The following ALOX5AP variants were observed in gnomAD, a reference collection of about 807,000 sequenced individuals.
ALOX5AP encodes arachidonate 5-lipoxygenase activating protein, also known as arachidonate 5-lipoxygenase-activating protein.
ALOX5AP carries 9 observed loss-of-function variants against 18.5 expected under a neutral mutation model. The ratio of observed to expected loss-of-function variants is 0.49; its 90% CI spans 0.29 to 0.85. The LOEUF (loss-of-function observed/expected upper bound fraction) is 0.85, where lower values mean the gene tolerates loss of function less well. Ranked by LOEUF, ALOX5AP falls within the 40% of genes least tolerant of loss-of-function variation. The pLI, the probability that ALOX5AP is intolerant of heterozygous loss-of-function variation, is 0.08. For synonymous variants in ALOX5AP, 81 were observed against 78.6 expected (o/e 1.03, Z -0.16); for missense variants, 172 against 202.5 (o/e 0.85, Z 0.91).
upstream of ALOX5AP, among the ~76,000 whole-genome samples, chr13:30,733,115 C>T (rs191331355): frequency 5.4e-3 from 795 of 147,362 alleles, 7 homozygotes; most frequent in African/African-American, 0.018. Context: ...GCTGAGATCG[C>T]GCCACTGCAC....
upstream of ALOX5AP, chr13:30,735,533 C>T (rs1951713473): frequency 6.3e-7 from 1 of 1,592,930 alleles, no homozygotes; most frequent in Admixed American, 1.7e-5. Flanking sequence ...CAAGCTCTCA[C>T]TTCCCCTTCC....
chr13:30,719,643 A>G (rs9315038), intron 1 of ALOX5AP, among the ~76,000 whole-genome samples: 5 of 151,974 alleles, frequency 3.3e-5, no homozygotes, highest in Non-Finnish European at 5.9e-5. Context: ...TGTTTAATCT[A>G]TTTTGATTGT....
chr13:30,713,609 C>A, exon 1 of ALOX5AP: 1 of 733,480 alleles, frequency 1.4e-6, no homozygotes, highest in Non-Finnish European at 2.3e-6. Context: ...CCCCTCACAC[C>A]TCCTCTCATC....
intron 1 of ALOX5AP, among the ~76,000 whole-genome samples, chr13:30,742,099 C>T (rs551008635): frequency 9.9e-5 from 15 of 152,060 alleles, no homozygotes; most frequent in Admixed American, 2.6e-4. Flanking sequence ...AGGTGGATCA[C>T]GAGGTCAGGA....
At chr13:30,721,968 A>T (rs138659630) in intron 1 of ALOX5AP, among the ~76,000 whole-genome samples, 1 of 152,376 alleles carries the variant, frequency 6.6e-6, no homozygotes, top group East Asian at 1.9e-4. Flanking sequence ...CTATAAAAAA[A>T]GATTGAGATA....
intron 1 of ALOX5AP, among the ~76,000 whole-genome samples, chr13:30,724,525 A>C (rs1951622135): frequency 6.6e-6 from 1 of 152,210 alleles, no homozygotes; most frequent in Non-Finnish European, 1.5e-5. Context: ...ATGGTGCTTA[A>C]AGTGGCTGTG....
chr13:30,736,195 A>C (rs1023202840), intron 1 of ALOX5AP, among the ~76,000 whole-genome samples: 1 of 151,192 alleles, frequency 6.6e-6, no homozygotes, highest in African/African-American at 2.5e-5. Context: ...TTTTCTCCTG[A>C]AGAAACTTTT....
intron 1 of ALOX5AP, among the ~76,000 whole-genome samples, chr13:30,736,163 C>T (rs1951719458): frequency 6.6e-6 from 1 of 152,040 alleles, no homozygotes; most frequent in Admixed American, 6.5e-5. Context: ...TATTATTTTT[C>T]CTCTATATTA....
At chr13:30,748,129 G>C (rs1240585063) in intron 2 of ALOX5AP, among the ~76,000 whole-genome samples, 1 of 152,004 alleles carries the variant, frequency 6.6e-6, no homozygotes, top group Non-Finnish European at 1.5e-5. Flanking sequence ...ATGCTGGCCA[G>C]CCTGGTCTCA....
chr13:30,750,622 G>T (rs149428939), intron 2 of ALOX5AP, among the ~76,000 whole-genome samples: 1 of 152,272 alleles, frequency 6.6e-6, no homozygotes, highest in East Asian at 1.9e-4. Context: ...GGAAACATGA[G>T]AGCAATTGTG....
chr13:30,735,001 C>T (rs41361750), upstream of ALOX5AP, among the ~76,000 whole-genome samples: 945 of 152,052 alleles, frequency 6.2e-3, 6 homozygotes, highest in Non-Finnish European at 9.9e-3. Context: ...TTTCATTTTA[C>T]ATTTGTGTGT....
intron 4 of ALOX5AP, 91 bp downstream of exon 4, chr13:30,756,116 C>A: frequency 2.4e-6 from 3 of 1,258,626 alleles, no homozygotes; most frequent in East Asian, 2.4e-5. Context: ...TGACTAGATT[C>A]ACGGCTCCGT....
intron 1 of ALOX5AP, among the ~76,000 whole-genome samples, chr13:30,720,158 C>G (rs771196662): frequency 2.0e-5 from 3 of 152,204 alleles, no homozygotes; most frequent in African/African-American, 7.2e-5. Context: ...CCGCGCCCGG[C>G]CTCTAGAGGA....
chr13:30,739,213 C>G (rs1350079371), intron 1 of ALOX5AP, among the ~76,000 whole-genome samples: 1 of 152,176 alleles, frequency 6.6e-6, no homozygotes, highest in Non-Finnish European at 1.5e-5. Context: ...AAGAATGGCG[C>G]TTCCTGCTGT....
At position 30,759,384 on chromosome 13, in the gene ALOX5AP, C is replaced by G. The variant is rs573207327; in HGVS notation, c.323+3359C>G. 5.3e-5 allele frequency among the ~76,000 whole-genome samples: 8 copies of G among 152,242 alleles called. No homozygotes were observed. The South Asian group carries it at 1.7e-3, about 32-fold the overall frequency. On this transcript the variant is annotated intron_variant, in intron 4 of 4. Transcript: ENST00000380490. Reference sequence around the variant, plus strand: ...TGAGGCCAATGAACTCAGGTTACCCCACTCCTCCTCCTCCTGAGTTGCTCA... The same window carrying G: ...TGAGGCCAATGAACTCAGGTTACCCGACTCCTCCTCCTCCTGAGTTGCTCA...
chr13:30,736,290 G>C lies in ALOX5AP; in HGVS notation c.70+615G>C, dbSNP rs17239046. Among the ~76,000 whole-genome samples the C allele has an allele frequency of 8.7e-3, 1,319 of 152,096 alleles. 16 individuals carry two copies. The highest frequency in any genetic ancestry group is 0.03 in the African/African-American group (1,257 of 41,476). ...GCAGTGTATACTTCAGAAAGAGAGA[G>C]AGAGAGAGGAAAATTGTCCTGTTCA... On this transcript the variant is annotated intron_variant, in intron 1 of 4. Transcript: ENST00000380490.
At chr13:30,742,520 T>C (rs1168510902) in intron 1 of ALOX5AP, 5 of 152,092 alleles carry the variant, frequency 3.3e-5, no homozygotes, top group African/African-American at 4.8e-5. Context: ...ACAGAGTGGG[T>C]GCAAAGCTCT....
chr13:30,763,891 A>G (rs528727464), intron 4 of ALOX5AP, 53 bp from the exon 5 acceptor site: 1 of 1,540,844 alleles, frequency 6.5e-7, no homozygotes, highest in Non-Finnish European at 8.9e-7. Flanking sequence ...TGTGTGTGTG[A>G]AATTGGTGTC....
At chr13:30,741,101 T>TC in intron 1 of ALOX5AP, among the ~76,000 whole-genome samples, 1 of 128,886 alleles carries the variant, frequency 7.8e-6, no homozygotes, top group Non-Finnish European at 1.6e-5. Flanking sequence ...ATCCTCCATA[T>TC]CCTTTTTTTT....
Sources: gnomAD v4.1 joint callset for allele counts (sites outside exome capture counted in the v4.1 genomes callset) on GRCh38, gnomAD v4.1.1 for gene constraint, MANE v1.5 for transcripts, NCBI Gene and HGNC (gene_info 2026-07-23, HGNC 2026-07-21) for gene names.